Variants in GRIN2A observed in about 807,000 individuals in gnomAD.
GRIN2A encodes glutamate ionotropic receptor NMDA type subunit 2A.
Under a neutral mutation model 113.4 loss-of-function variants are expected in GRIN2A, and 22 were observed. The observed-to-expected ratio is 0.19, with a 90% CI of 0.14 to 0.28. The LOEUF is 0.28. GRIN2A is among the 10% of genes least tolerant of loss of function. The probability of loss-of-function intolerance (pLI) is 1.00; values close to 1 mark genes in which losing one functional copy is unlikely to be tolerated. For synonymous variants in GRIN2A, 827 were observed against 738.4 expected, an observed-to-expected ratio of 1.12 and a Z score of -1.94; for missense variants, 1,502 against 1,887.0, an observed-to-expected ratio of 0.80 and a Z score of 3.78.
chr16:9,867,110 G>A (rs2043173433), intron 4 of GRIN2A, among the ~76,000 whole-genome samples: 3 of 151,802 alleles, frequency 2.0e-5, no homozygotes, highest in Non-Finnish European at 4.4e-5. Flanking sequence ...CAATTTTCCT[G>A]CCCCCACTTT....
intron 2 of GRIN2A, among the ~76,000 whole-genome samples, chr16:10,025,264 T>C (rs1207727011): frequency 6.6e-6 from 1 of 151,492 alleles, no homozygotes; most frequent in East Asian, 1.9e-4. Context: ...TTTATATTTT[T>C]AATTTGCCAG....
chr16:9,853,994 G>A (rs2042926716), intron 4 of GRIN2A, among the ~76,000 whole-genome samples: 1 of 152,032 alleles, frequency 6.6e-6, no homozygotes, highest in African/African-American at 2.4e-5. Context: ...TTATGTATAT[G>A]TTTTACTTAT....
intron 3 of GRIN2A, among the ~76,000 whole-genome samples, chr16:9,922,291 A>G (rs967104256): frequency 6.6e-5 from 10 of 152,098 alleles, no homozygotes; most frequent in African/African-American, 2.4e-4. Context: ...TATTGTAACC[A>G]ACACCATCAA....
At chr16:9,939,689 T>C (rs190768498) in intron 2 of GRIN2A, among the ~76,000 whole-genome samples, 72 of 152,174 alleles carry the variant, frequency 4.7e-4, no homozygotes, top group African/African-American at 1.6e-3. Flanking sequence ...AGTAGACATC[T>C]GTACCTCAGT....
At chr16:9,906,597 T>C (rs2044032687) in intron 3 of GRIN2A, among the ~76,000 whole-genome samples, 1 of 152,180 alleles carries the variant, frequency 6.6e-6, no homozygotes, top group African/African-American at 2.4e-5. Context: ...TAAAAAAGTA[T>C]GTGAATCAAT....
chr16:9,969,545 G>A lies in GRIN2A; in HGVS notation c.415-30994C>T, dbSNP rs1242568023. Among the ~76,000 whole-genome samples, 2 of 152,114 alleles carry A rather than the reference G, an allele frequency of 1.3e-5. 1 individual carries two copies. Among genetic ancestry groups the A allele is most frequent in the Admixed American group, 1.3e-4 (2 of 15,278 alleles). ...ATTTAAAGAACTGGATGTTCATGGT[G>A]CCCCATAAGCCAGTTAAGCTCAGCA... is the stretch of plus-strand genomic sequence containing the variant. On this transcript the variant is annotated intron_variant, in intron 2 of 12. Coordinates refer to ENST00000330684, the MANE Select transcript of GRIN2A (RefSeq NM_001134407.3).
At chr16:9,825,262 G>A (rs575199020) in intron 9 of GRIN2A, among the ~76,000 whole-genome samples, 2 of 152,306 alleles carry the variant, frequency 1.3e-5, no homozygotes, top group Admixed American at 1.3e-4. Flanking sequence ...CTGTAAATTG[G>A]AGATTGCTTT....
chr16:9,966,955 A>T (rs965758774), intron 2 of GRIN2A, among the ~76,000 whole-genome samples: 2 of 152,098 alleles, frequency 1.3e-5, no homozygotes, highest in Admixed American at 6.5e-5. Flanking sequence ...TTTAATAGTG[A>T]CTCATTTTCC....
At chr16:10,111,856 T>A (rs2048621379) in intron 2 of GRIN2A, 6 of 1,030,702 alleles carry the variant, frequency 5.8e-6, no homozygotes, top group Non-Finnish European at 7.5e-6. Flanking sequence ...GGGCATCATC[T>A]CCTCCCGAGA....
chr16:9,898,365 T>C (rs550323419), intron 3 of GRIN2A, among the ~76,000 whole-genome samples: 7 of 152,190 alleles, frequency 4.6e-5, no homozygotes, highest in Non-Finnish European at 1.0e-4. Flanking sequence ...CAGCCAACCA[T>C]AATGGGCTGC....
At chr16:10,069,838 G>A (rs996630296) in intron 2 of GRIN2A, among the ~76,000 whole-genome samples, 1 of 152,228 alleles carries the variant, frequency 6.6e-6, no homozygotes, top group Admixed American at 6.5e-5. Flanking sequence ...CCAATGCAGT[G>A]AAGGATAGAT....
chr16:10,062,151 C>T (rs1433500193), intron 2 of GRIN2A, among the ~76,000 whole-genome samples: 1 of 152,116 alleles, frequency 6.6e-6, no homozygotes, highest in Non-Finnish European at 1.5e-5. Flanking sequence ...ATGTACATAC[C>T]TTCTTTATGG....
At chr16:9,809,976 G>A (rs1240581404) in intron 10 of GRIN2A, among the ~76,000 whole-genome samples, 1 of 152,200 alleles carries the variant, frequency 6.6e-6, no homozygotes, top group African/African-American at 2.4e-5. Context: ...GCTGAGGCAG[G>A]AGAATCACTT....
chr16:9,860,816 T>G (rs2043054803), intron 4 of GRIN2A, among the ~76,000 whole-genome samples: 1 of 152,112 alleles, frequency 6.6e-6, no homozygotes. Context: ...ATTATGGTTT[T>G]GTAGAGTGTC....
intron 11 of GRIN2A, among the ~76,000 whole-genome samples, chr16:9,788,642 C>T (rs1902393861): frequency 6.6e-6 from 1 of 151,776 alleles, no homozygotes; most frequent in African/African-American, 2.4e-5. Context: ...ATCTCTATCC[C>T]TTTTTCCTTC....
At chr16:9,990,192 T>A (rs1233054898) in intron 2 of GRIN2A, among the ~76,000 whole-genome samples, 1 of 152,124 alleles carries the variant, frequency 6.6e-6, no homozygotes, top group East Asian at 1.9e-4. Context: ...TATGGAATGC[T>A]ACACAGCCAT....
rs150529458 is a variant in GRIN2A, at chr16:10,156,667, C to A, written c.414+23331G>T. 2.4e-3 allele frequency among the ~76,000 whole-genome samples: 364 copies of A among 152,206 alleles called. 4 individuals are homozygous for A. The highest frequency in any genetic ancestry group is 8.2e-3 in the African/African-American group (341 of 41,540). The stretch of plus-strand genomic sequence containing the variant: ...GGAGGCAGAAGGCGATTGCTTCAAG[C>A]CTAAGAAATGGAAAAGGCACCTTGG... On this transcript the variant is annotated intron_variant, in intron 2 of 12. Transcript: ENST00000330684.
At chr16:9,900,767 A>G (rs2043905787) in intron 3 of GRIN2A, among the ~76,000 whole-genome samples, 1 of 152,232 alleles carries the variant, frequency 6.6e-6, no homozygotes. Flanking sequence ...AATAGCACCA[A>G]ATGCGTCACC....
At chr16:10,075,301 G>A (rs1273634066) in intron 2 of GRIN2A, among the ~76,000 whole-genome samples, 1 of 152,038 alleles carries the variant, frequency 6.6e-6, no homozygotes, top group Non-Finnish European at 1.5e-5. Context: ...AGGAAACTGA[G>A]CCCTAGAGAA....
Sources: allele counts gnomAD v4.1 joint callset (sites outside exome capture counted in the v4.1 genomes callset), GRCh38; gene constraint gnomAD v4.1.1; transcripts MANE v1.5; gene names NCBI Gene and HGNC (gene_info 2026-07-23, HGNC 2026-07-21).